GALNT9: variants seen among roughly 807,000 people sequenced by gnomAD.
GALNT9 encodes the protein polypeptide N-acetylgalactosaminyltransferase 9.
A neutral mutation model predicts 63.1 loss-of-function variants in GALNT9; 47 were observed. That is an observed-to-expected ratio of 0.75 (90% CI 0.59 to 0.95). GALNT9 has a LOEUF of 0.95. Among genes scored for constraint, GALNT9 ranks in the 40% least tolerant of loss-of-function variants. The pLI is 0.00. For synonymous variants in GALNT9, 396 were observed against 365.7 expected, an observed-to-expected ratio of 1.08 and a Z score of -0.94; for missense variants, 829 against 874.8, an observed-to-expected ratio of 0.95 and a Z score of 0.66.
At chr12:132,240,376 G>C (rs1452403978) in intron 6 of GALNT9, 5 of 351,974 alleles carry the variant, frequency 1.4e-5, no homozygotes, top group Non-Finnish European at 2.2e-5. Flanking sequence ...CCCCATGCTG[G>C]CCAGGTGGCT....
rs1229964778 is a variant in GALNT9, at chr12:132,236,719, C to A, written c.1077+11191G>T. ...TAAGGTTTCGGGGCATCAAGCCTGG[C>A]CTCGGCCAGCCACGCCTCCTGGGGG... On this transcript the variant is annotated intron_variant, in intron 6 of 10. Coordinates refer to ENST00000328957, the MANE Select transcript of GALNT9 (RefSeq NM_001122636.2). This position sits in a 1 kb window ranked among gnomAD's most constrained non-coding sequence, Gnocchi z 5.6. Among the ~76,000 whole-genome samples, 1 of 152,212 alleles carries A rather than the reference C, an allele frequency of 6.6e-6. No homozygotes were observed. The highest frequency in any genetic ancestry group is 2.1e-4 in the South Asian group (1 of 4,834).
At chr12:132,253,933 G>A (rs145135935) in intron 5 of GALNT9, among the ~76,000 whole-genome samples, 2 of 152,106 alleles carry the variant, frequency 1.3e-5, no homozygotes, top group Non-Finnish European at 2.9e-5. Context: ...ATGGCCGTGT[G>A]TCAATAAAGC....
In GALNT9 at chr12:132,246,504, A is replaced by G. The variant is rs1555238012; in HGVS notation, c.1077+1406T>C. 6.6e-6 allele frequency among the ~76,000 whole-genome samples: 1 copy of G among 152,192 alleles called. No homozygotes were observed. Among genetic ancestry groups the G allele is most frequent in the South Asian group, 2.1e-4 (1 of 4,832 alleles). On this transcript the variant is annotated intron_variant, in intron 6 of 10. Transcript: ENST00000328957. The surrounding 1 kb of genome is among the most constrained non-coding windows in gnomAD (Gnocchi z 4.7). ...GACTTTAAAGGCACAAAAGCAGTGA[A>G]TTCTGTTTCACGGTATTATTTTATT...
intron 1 of GALNT9, among the ~76,000 whole-genome samples, chr12:132,317,910 C>A (rs1433937657): frequency 6.6e-6 from 1 of 152,176 alleles, no homozygotes; most frequent in Non-Finnish European, 1.5e-5. Flanking sequence ...TCGAGGATGG[C>A]GTTTCAAAGA....
intron 6 of GALNT9, among the ~76,000 whole-genome samples, chr12:132,220,993 G>T (rs769636150): frequency 1.1e-4 from 16 of 148,636 alleles, no homozygotes; most frequent in Non-Finnish European, 2.1e-4. Context: ...GGAGGTGGAG[G>T]TTGCAGTGAG....
At chr12:132,222,786 G>A (rs926187331) in intron 6 of GALNT9, among the ~76,000 whole-genome samples, 9 of 151,680 alleles carry the variant, frequency 5.9e-5, no homozygotes, top group Admixed American at 1.3e-4. Context: ...GAGGAGATAC[G>A]GACGCTATGG....
intron 6 of GALNT9, among the ~76,000 whole-genome samples, chr12:132,237,542 C>T (rs1040111836): frequency 1.7e-4 from 26 of 152,090 alleles, no homozygotes; most frequent in Non-Finnish European, 3.2e-4. Flanking sequence ...TACCTACCTA[C>T]GCCTACTCAC....
intron 1 of GALNT9, among the ~76,000 whole-genome samples, chr12:132,313,498 CCATT>C (rs1448306090): frequency 1.4e-5 from 2 of 145,886 alleles, no homozygotes; most frequent in Non-Finnish European, 3.0e-5. Context: ...AGCCATCCAT[CCATT>C]CACCCACCCA....
intron 1 of GALNT9, among the ~76,000 whole-genome samples, chr12:132,318,610 C>T (rs1039071057): frequency 3.6e-4 from 55 of 152,244 alleles, no homozygotes; most frequent in African/African-American, 1.3e-3. Context: ...GGTTCAGGGC[C>T]GCCCTAAACC....
At chr12:132,253,272 C>A (rs1250470588) in intron 5 of GALNT9, among the ~76,000 whole-genome samples, 1 of 151,952 alleles carries the variant, frequency 6.6e-6, no homozygotes, top group African/African-American at 2.4e-5. Flanking sequence ...GCGGGCAGGC[C>A]TGGAGAATAT....
chr12:132,317,025 G>A (rs1374776978), intron 1 of GALNT9, among the ~76,000 whole-genome samples: 3 of 150,886 alleles, frequency 2.0e-5, no homozygotes, highest in African/African-American at 7.4e-5. Context: ...ACACCCCACG[G>A]AGCATGGTCC....
At chr12:132,198,871 C>T (rs1052816106) in intron 9 of GALNT9, among the ~76,000 whole-genome samples, 1 of 152,180 alleles carries the variant, frequency 6.6e-6, no homozygotes. Context: ...AGACTGGTCT[C>T]AATTCCTGGG....
chr12:132,240,718 C>G (rs536189835), intron 6 of GALNT9: 1 of 455,802 alleles, frequency 2.2e-6, no homozygotes, highest in Admixed American at 2.4e-5. Context: ...TTGCTGGAAC[C>G]CTTCTGTTTC....
In GALNT9 at chr12:132,203,645, C is replaced by T. The variant is rs776579027; in HGVS notation, c.1123G>A (p.Val375Met). 1.7e-4 allele frequency: 273 copies of T among 1,613,650 alleles called. No individual in the cohort carries two copies. The highest frequency in any genetic ancestry group is 2.3e-4 in the Non-Finnish European group (266 of 1,179,840). ...TTCCTGGTGCGCTCGATGTGGGCCA[C>T]GCGGGAGCAGGGCAGCACCTCCATG... Reference protein sequence around the residue: ...GSMEVLPCSRVAHIERTRKPY... With the variant: ...GSMEVLPCSRMAHIERTRKPY... Residue 375 changes from valine (V) to methionine (M), a missense_variant, in exon 7 of 11, where the codon GTG becomes ATG. Transcript: ENST00000328957.
At chr12:132,285,521 GC>G (rs1461139990) in intron 2 of GALNT9, among the ~76,000 whole-genome samples, 5 of 152,378 alleles carry the variant, frequency 3.3e-5, no homozygotes, top group African/African-American at 9.6e-5. Context: ...GGCGGCCAGG[GC>G]CCGGCTCCTG....
In GALNT9 at chr12:132,196,895, G is replaced by C. The variant is rs539880471; in HGVS notation, c.*212C>G. The C allele has an allele frequency of 2.2e-6, 3 of 1,391,372 alleles. No homozygotes were observed. In the East Asian group the frequency reaches 8.1e-5, roughly 38 times the overall value. 86.2% of individuals were successfully genotyped at this position (1,391,372 alleles called of 1,614,324 possible). ...ACTGTCCCCAGACGCCCTCCCTCGGGTAGAGCCGCCTGTCCTAGGAGAAGC... is the reference window on the plus strand; with the variant it reads ...ACTGTCCCCAGACGCCCTCCCTCGGCTAGAGCCGCCTGTCCTAGGAGAAGC... On this transcript the variant is annotated 3_prime_UTR_variant, in exon 11 of 11. Transcript: ENST00000328957.
rs1450552323 is a variant in GALNT9, at chr12:132,196,800, A to G, written c.*307T>C. The G allele has an allele frequency of 2.6e-6, 3 of 1,154,050 alleles. No individual in the cohort carries two copies. The highest frequency in any genetic ancestry group is 3.2e-6 in the Non-Finnish European group (3 of 932,530). The allele number at this position is 1,154,050 out of a possible 1,614,324, so 71.5% of individuals were successfully genotyped here. ...GGGCGTGGGGGGCTGTGGTACATGC[A>G]GAGGCGGCGGCTGTCCCAGCAGCCT... On this transcript the variant is annotated 3_prime_UTR_variant, in exon 11 of 11. Transcript: ENST00000328957.
chr12:132,198,336 G>A (rs539175631), intron 9 of GALNT9, among the ~76,000 whole-genome samples: 21 of 152,318 alleles, frequency 1.4e-4, no homozygotes, highest in African/African-American at 3.4e-4. Context: ...ACGCATTCCC[G>A]TGGGGTTAGA....
intron 6 of GALNT9, among the ~76,000 whole-genome samples, chr12:132,222,661 G>A (rs1430524506): frequency 3.3e-5 from 5 of 151,900 alleles, no homozygotes; most frequent in Non-Finnish European, 5.9e-5. Context: ...ACACAGAGAC[G>A]CCGCAGAGGC....
Sources: gnomAD v4.1 joint callset for allele counts (sites outside exome capture counted in the v4.1 genomes callset) on GRCh38, gnomAD v4.1.1 for gene constraint, Gnocchi (gnomAD v3.1) non-coding constraint, MANE v1.5 for transcripts, NCBI Gene and HGNC (gene_info 2026-07-23, HGNC 2026-07-21) for gene names.